The following MZT2B variants were observed in gnomAD, a reference collection of about 807,000 sequenced individuals.
The protein encoded by MZT2B is mitotic-spindle organizing protein 2B.
In MZT2B, 11 loss-of-function variants were observed where a neutral mutation model predicts 12.1. The ratio of observed to expected loss-of-function variants is 0.91; its 90% CI spans 0.57 to 1.50. MZT2B has a LOEUF of 1.50. Among genes scored for constraint, MZT2B ranks in the 40% most tolerant of loss-of-function variants. The pLI is 0.00. For synonymous variants in MZT2B, 85 were observed against 109.5 expected, an observed-to-expected ratio of 0.78 and a Z score of 1.40; for missense variants, 209 against 227.7, an observed-to-expected ratio of 0.92 and a Z score of 0.53.
upstream of MZT2B, chr2:130,181,735 GC>G (rs1351740151): frequency 6.5e-7 from 1 of 1,548,680 alleles, no homozygotes; most frequent in African/African-American, 1.4e-5. Flanking sequence ...AGGCAGGAGT[GC>G]GGGGGAGGGA....
At chr2:130,190,939 G>A (rs1362692424), downstream of MZT2B, among the ~76,000 whole-genome samples, 1 of 151,754 alleles carries the variant, frequency 6.6e-6, no homozygotes, top group African/African-American at 2.4e-5. Context: ...CACTTGAAGT[G>A]AAATGTGGGA....
intron 2 of MZT2B, among the ~76,000 whole-genome samples, chr2:130,189,776 C>T (rs1260117280): frequency 6.6e-6 from 1 of 152,186 alleles, no homozygotes; most frequent in Non-Finnish European, 1.5e-5. Flanking sequence ...AAGCAAATTA[C>T]AAATCAAAGA....
At chr2:130,186,310 C>T (rs957491958) in intron 2 of MZT2B, among the ~76,000 whole-genome samples, 6 of 152,212 alleles carry the variant, frequency 3.9e-5, no homozygotes, top group African/African-American at 1.4e-4. Context: ...TCCAGACAGC[C>T]TGTGGGGACA....
intron 2 of MZT2B, among the ~76,000 whole-genome samples, chr2:130,187,963 C>G (rs1192150407): frequency 1.6e-4 from 25 of 151,978 alleles, no homozygotes; most frequent in Non-Finnish European, 2.6e-4. Flanking sequence ...AAGATCCCTC[C>G]AGGCCGTGAG....
chr2:130,198,627 G>A, the MZT2B span, among the ~76,000 whole-genome samples: 261 of 123,872 alleles, frequency 2.1e-3, 58 homozygotes, highest in African/African-American at 6.7e-3. Flanking sequence ...CAAAGGCTGC[G>A]CGGTTGCTGA....
intron 1 of MZT2B, 27 bp downstream of exon 1, chr2:130,182,479 G>T (rs1287369953): frequency 1.3e-6 from 2 of 1,541,032 alleles, no homozygotes; most frequent in Non-Finnish European, 1.8e-6. Context: ...GGGGCCGCAT[G>T]CTAGCCAGAC....
the MZT2B span, among the ~76,000 whole-genome samples, chr2:130,201,511 C>T: frequency 6.6e-6 from 1 of 152,084 alleles, no homozygotes; most frequent in Non-Finnish European, 1.5e-5. Flanking sequence ...CCTCACTTAA[C>T]CTTCATCATC....
chr2:130,184,415 C>T (rs902824269), intron 2 of MZT2B: 17 of 985,340 alleles, frequency 1.7e-5, no homozygotes, highest in Non-Finnish European at 2.0e-5. Flanking sequence ...CACACAGATG[C>T]CATATGCTGG....
chr2:130,190,729 A>C, downstream of MZT2B: 6 of 1,355,546 alleles, frequency 4.4e-6, no homozygotes, highest in South Asian at 4.9e-5. Context: ...TCCAGGTCAG[A>C]TGTTGTCTAC....
At chr2:130,201,179 G>A in the MZT2B span, among the ~76,000 whole-genome samples, 1 of 152,236 alleles carries the variant, frequency 6.6e-6, no homozygotes, top group Non-Finnish European at 1.5e-5. Context: ...TTAGAAAGAT[G>A]CTTTGGCAAA....
chr2:130,197,050 C>T, the MZT2B span, among the ~76,000 whole-genome samples: 27 of 152,348 alleles, frequency 1.8e-4, no homozygotes, highest in South Asian at 5.4e-3. Context: ...CTCAAGGCTA[C>T]ACTTTTGGCA....
chr2:130,190,333 T>C, intron 2 of MZT2B, 136 bp from the exon 3 acceptor site: 1 of 1,352,220 alleles, frequency 7.4e-7, no homozygotes, highest in Non-Finnish European at 1.0e-6. Flanking sequence ...GACTTGGGGC[T>C]GATGCAGGGC....
chr2:130,183,835 C>G (rs948303059), intron 2 of MZT2B: 3 of 1,550,574 alleles, frequency 1.9e-6, no homozygotes, highest in Non-Finnish European at 2.6e-6. Flanking sequence ...GCAAGGCCCT[C>G]CTTTTCCTCC....
chr2:130,187,354 A>AT (rs997426841), intron 2 of MZT2B, among the ~76,000 whole-genome samples: 1 of 151,924 alleles, frequency 6.6e-6, no homozygotes, highest in Non-Finnish European at 1.5e-5. Context: ...CACGTGGCTA[A>AT]TTTTTTAATT....
chr2:130,184,651 G>A (rs1689988131), intron 2 of MZT2B: 1 of 985,338 alleles, frequency 1.0e-6, no homozygotes, highest in African/African-American at 1.7e-5. Flanking sequence ...GGACAGGCCT[G>A]GAGTAGGGGT....
At chr2:130,196,305 A>T in the MZT2B span, 4 of 1,614,126 alleles carry the variant, frequency 2.5e-6, no homozygotes, top group South Asian at 4.4e-5. Context: ...TCAAGGCAGT[A>T]CAGTTCCCAG....
downstream of MZT2B, among the ~76,000 whole-genome samples, chr2:130,192,862 GGC>G (rs1690300322): frequency 6.6e-6 from 1 of 152,240 alleles, no homozygotes; most frequent in African/African-American, 2.4e-5. Flanking sequence ...TTGGGAGACA[GGC>G]GGGCAGATCA....
At chr2:130,196,054 C>G in the MZT2B span, 4 of 1,345,946 alleles carry the variant, frequency 3.0e-6, no homozygotes, top group East Asian at 1.0e-4. Context: ...CTATCCCATC[C>G]TTTCAGCAGG....
intron 2 of MZT2B, chr2:130,184,938 G>A (rs1690000823): frequency 1.0e-6 from 1 of 963,578 alleles, no homozygotes; most frequent in Admixed American, 6.2e-5. Context: ...GTCAAGGCAG[G>A]TGGATCCCTT....
Sources: allele counts gnomAD v4.1 joint callset (sites outside exome capture counted in the v4.1 genomes callset), GRCh38; gene constraint gnomAD v4.1.1; transcripts MANE v1.5; gene names NCBI Gene and HGNC (gene_info 2026-07-23, HGNC 2026-07-21).